Variants in DTL observed in about 807,000 individuals in gnomAD.
The protein encoded by DTL is denticleless E3 ubiquitin protein ligase adapter, also known as denticleless protein homolog.
DTL carries 46 observed loss-of-function variants against 87.0 expected under a neutral mutation model. The observed-to-expected ratio is 0.53, with a 90% CI of 0.42 to 0.68. The LOEUF (loss-of-function observed/expected upper bound fraction) is 0.68, where lower values mean the gene tolerates loss of function less well. Ranked by LOEUF, DTL falls within the 30% of genes least tolerant of loss-of-function variation. The pLI is 0.00. For synonymous variants in DTL, 308 were observed against 311.2 expected (o/e 0.99, Z 0.11); for missense variants, 737 against 869.4 (o/e 0.85, Z 1.91).
chr1:212,062,016 CAT>C lies in DTL; in HGVS notation c.461-866_461-865del, dbSNP rs1005633394. On this transcript the variant is annotated intron_variant, in intron 5 of 14. Coordinates refer to ENST00000366991, the MANE Select transcript of DTL (RefSeq NM_016448.4). ...GAGAGAACTTAAAATGTTCCCAGCA[CAT>C]AGAAATGATGAATACAAGGTGATGG... 7.7e-4 allele frequency among the ~76,000 whole-genome samples: 117 copies of C among 152,304 alleles called. 3 individuals are homozygous for C. Among genetic ancestry groups the C allele is most frequent in the Admixed American group, 7.5e-3 (114 of 15,296 alleles).
chr1:212,102,113 T>C (rs1655641617), intron 14 of DTL, among the ~76,000 whole-genome samples: 1 of 152,174 alleles, frequency 6.6e-6, no homozygotes, highest in Non-Finnish European at 1.5e-5. Flanking sequence ...CCTGCTCTCA[T>C]GAAGACCTAT....
chr1:212,072,325 T>C, intron 11 of DTL, 112 bp downstream of exon 11: 1 of 790,364 alleles, frequency 1.3e-6, no homozygotes, highest in East Asian at 2.6e-5. Flanking sequence ...TATTCCTGCA[T>C]CAGATATTTA....
At chr1:212,064,502 G>T (rs1654434855) in intron 6 of DTL, among the ~76,000 whole-genome samples, 1 of 152,148 alleles carries the variant, frequency 6.6e-6, no homozygotes, top group African/African-American at 2.4e-5. Flanking sequence ...CACTACTCTA[G>T]AAATCCTCTG....
intron 7 of DTL, among the ~76,000 whole-genome samples, chr1:212,066,109 C>A (rs891638564): frequency 6.6e-6 from 1 of 152,082 alleles, no homozygotes; most frequent in South Asian, 2.1e-4. Context: ...ATAATATATC[C>A]TTTTTCTTTA....
intron 5 of DTL, among the ~76,000 whole-genome samples, chr1:212,059,457 G>A (rs532459811): frequency 1.3e-5 from 2 of 151,914 alleles, no homozygotes; most frequent in Admixed American, 1.3e-4. Context: ...AAAATAATTC[G>A]ATAAAATTCA....
chr1:212,085,623 A>G (rs1291327600), intron 13 of DTL, among the ~76,000 whole-genome samples: 1 of 152,188 alleles, frequency 6.6e-6, no homozygotes, highest in East Asian at 1.9e-4. Context: ...GTCTCTTGAC[A>G]CATGTAACTT....
intron 4 of DTL, 34 bp from the exon 5 acceptor site, chr1:212,047,263 C>T: frequency 6.2e-7 from 1 of 1,614,052 alleles, no homozygotes; most frequent in Non-Finnish European, 8.5e-7. Context: ...TAAGGGAGTG[C>T]TTTATTAAAT....
chr1:212,089,918 G>A (rs1655234992), intron 13 of DTL, among the ~76,000 whole-genome samples: 1 of 152,090 alleles, frequency 6.6e-6, no homozygotes, highest in Non-Finnish European at 1.5e-5. Flanking sequence ...TAAAATTTTA[G>A]GACTTTCTGC....
rs1350565104 is a variant in DTL at position 212,100,498 on chromosome 1, A to C, written c.1508A>C (p.Asn503Thr). 2 of 1,613,894 alleles carry C rather than the reference A, an allele frequency of 1.2e-6. No homozygotes were observed. Among genetic ancestry groups the C allele is most frequent in the Admixed American group, 3.3e-5 (2 of 59,990 alleles). The change falls in exon 14 of 15, where the codon AAC becomes ACC. Residue 503 changes from asparagine to threonine, a missense_variant. By Grantham distance (65) the Asn-to-Thr change is moderately conservative. Coordinates refer to ENST00000366991, the MANE Select transcript of DTL (RefSeq NM_016448.4). ...PPSSFKMSIR[N>T]WVTRTPSSSP... ...TCATCTTTCAAGATGTCGATTAGAA[A>C]CTGGGTGACCCGAACACCTTCCTCA... is the stretch of plus-strand genomic sequence containing the variant.
chr1:212,075,085 T>C (rs1385911422), intron 11 of DTL, among the ~76,000 whole-genome samples: 4 of 152,192 alleles, frequency 2.6e-5, no homozygotes, highest in African/African-American at 4.8e-5. Flanking sequence ...CACTGACTGG[T>C]GAAACGTTGA....
At position 212,043,041 on chromosome 1, in the gene DTL, G is replaced by T; in HGVS notation, c.101G>T (p.Cys34Phe). ...PLQSLLTGYQ[C>F]SGNDEHTSYG... is the part of the protein sequence containing the mutation. ...CAATCCCTTCTGACTGGTTATCAGT[G>T]CAGTGGTAATGATGAACACACTTCT... The change falls in exon 2 of 15, where the codon TGC becomes TTC. Residue 34 changes from cysteine to phenylalanine, a missense_variant. By Grantham distance (205) the Cys-to-Phe change is radical. Transcript: ENST00000366991. 1 of 1,613,158 alleles carries T rather than the reference G, an allele frequency of 6.2e-7. No homozygotes were observed. Among genetic ancestry groups the T allele is most frequent in the Non-Finnish European group, 8.5e-7 (1 of 1,179,398 alleles).
At chr1:212,057,253 A>G (rs1668204916) in intron 5 of DTL, among the ~76,000 whole-genome samples, 1 of 152,052 alleles carries the variant, frequency 6.6e-6, no homozygotes, top group Non-Finnish European at 1.5e-5. Context: ...CAGAGAAAAA[A>G]CATCTAGTCA....
At chr1:212,079,064 T>C (rs768995136) in intron 12 of DTL, among the ~76,000 whole-genome samples, 1 of 152,094 alleles carries the variant, frequency 6.6e-6, no homozygotes, top group African/African-American at 2.4e-5. Flanking sequence ...CATGGTCTGG[T>C]CTATTTGTGG....
intron 1 of DTL, among the ~76,000 whole-genome samples, chr1:212,037,046 C>T (rs571014931): frequency 1.3e-4 from 20 of 152,318 alleles, no homozygotes; most frequent in African/African-American, 4.8e-4. Context: ...TTCTGTCTCT[C>T]CTGGGACCTT....
In DTL at chr1:212,047,452, CCTT is replaced by C. The variant is rs755791646; in HGVS notation, c.460+39_460+41del. The C allele has an allele frequency of 1.4e-5, 22 of 1,612,378 alleles. No individual in the cohort carries two copies. In the Admixed American group the frequency reaches 2.5e-4, roughly 18 times the overall value. ...TGCTTATCTTCTTTCATCTCCTTAA[CCTT>C]CTTTGCAGTTGGGAGATAAGAACCT... On this transcript the variant is annotated intron_variant, in intron 5 of 14. Transcript: ENST00000366991.
intron 9 of DTL, 95 bp downstream of exon 9, chr1:212,068,422 TAATATGTGAAGTTCAAAAGATA>T: frequency 3.2e-6 from 3 of 944,252 alleles, no homozygotes; most frequent in Non-Finnish European, 4.8e-6. Context: ...TGAAAAATTC[TAATATGTGAAGTTCAAAAGATA>T]AAAACTCAGA....
intron 13 of DTL, among the ~76,000 whole-genome samples, chr1:212,093,596 C>G (rs946064597): frequency 3.3e-5 from 5 of 152,226 alleles, no homozygotes; most frequent in Non-Finnish European, 5.9e-5. Context: ...ATCATTCCAC[C>G]GGTTGATGCC....
At chr1:212,062,766 C>G in intron 5 of DTL, 118 bp from the exon 6 acceptor site, 1 of 684,762 alleles carries the variant, frequency 1.5e-6, no homozygotes, top group South Asian at 2.0e-5. Flanking sequence ...AATGTTTGAT[C>G]TCCAGTGACA....
At chr1:212,044,234 T>G (rs188400304) in intron 2 of DTL, among the ~76,000 whole-genome samples, 1 of 152,360 alleles carries the variant, frequency 6.6e-6, no homozygotes, top group African/African-American at 2.4e-5. Context: ...ACTCTTGTTT[T>G]AAGTACTACC....
Sources: allele counts gnomAD v4.1 joint callset (sites outside exome capture counted in the v4.1 genomes callset), GRCh38; gene constraint gnomAD v4.1.1; transcripts MANE v1.5; gene names NCBI Gene and HGNC (gene_info 2026-07-23, HGNC 2026-07-21).